The following NEGR1 variants were observed in gnomAD, a reference collection of about 807,000 sequenced individuals.
NEGR1 encodes the protein neuronal growth regulator 1.
A neutral mutation model predicts 40.9 loss-of-function variants in NEGR1; 10 were observed. The observed-to-expected ratio is 0.24, with a 90% CI of 0.15 to 0.42. The LOEUF is 0.42. Ranked by LOEUF, NEGR1 falls within the 10% of genes least tolerant of loss-of-function variation. The pLI, the probability that NEGR1 is intolerant of heterozygous loss-of-function variation, is 1.00. For missense variants in NEGR1, 352 were observed against 438.9 expected (o/e 0.80, Z 1.77); for synonymous variants, 185 against 166.8 (o/e 1.11, Z -0.84).
In NEGR1 at chr1:71,399,313, TAA is replaced by T. The variant is rs1466961482; in HGVS notation, c.*8131_*8132del. 2.6e-5 allele frequency: 4 copies of T among 152,172 alleles called. No homozygotes were observed. Among genetic ancestry groups the T allele is most frequent in the African/African-American group, 9.6e-5 (4 of 41,462 alleles). 9.4% of individuals were successfully genotyped at this position (152,172 alleles called of 1,614,324 possible). A position where few individuals can be genotyped will look rare whatever the true frequency, so the allele number is the denominator to read the frequency against. On this transcript the variant is annotated 3_prime_UTR_variant, in exon 7 of 7. Coordinates refer to ENST00000357731, the MANE Select transcript of NEGR1 (RefSeq NM_173808.3). ...CCCAGTCTTTCTCCTTGTCAACATTTAAAGTTATTAGACAGTAACACATTTCA... is the reference window on the plus strand; with the variant it reads ...CCCAGTCTTTCTCCTTGTCAACATTTAGTTATTAGACAGTAACACATTTCA...
intron 1 of NEGR1, among the ~76,000 whole-genome samples, chr1:71,951,963 G>T (rs937358322): frequency 6.6e-6 from 1 of 151,886 alleles, no homozygotes; most frequent in Non-Finnish European, 1.5e-5. Flanking sequence ...AGACGGCTAA[G>T]TTAATAAATG....
chr1:71,632,322 C>A (rs973980049), intron 4 of NEGR1, among the ~76,000 whole-genome samples: 2 of 150,894 alleles, frequency 1.3e-5, no homozygotes, highest in African/African-American at 4.9e-5. Flanking sequence ...TTATTAAAAA[C>A]AATTAACTTG....
intron 2 of NEGR1, among the ~76,000 whole-genome samples, chr1:71,824,042 C>T (rs1570397161): frequency 6.6e-6 from 1 of 151,996 alleles, no homozygotes; most frequent in South Asian, 2.1e-4. Context: ...TTACATTTAC[C>T]AGTGTGGGAG....
intron 1 of NEGR1, among the ~76,000 whole-genome samples, chr1:72,190,855 C>A (rs1182584871): frequency 6.6e-6 from 1 of 151,438 alleles, no homozygotes; most frequent in Non-Finnish European, 1.5e-5. Flanking sequence ...AATTAACTTA[C>A]AATATTGACA....
chr1:71,451,939 T>G (rs1352662670), intron 6 of NEGR1, among the ~76,000 whole-genome samples: 3 of 152,180 alleles, frequency 2.0e-5, no homozygotes, highest in Non-Finnish European at 4.4e-5. Context: ...GTCCATATGT[T>G]ACATACTTTT....
At chr1:71,634,148 G>T (rs1172866248) in intron 4 of NEGR1, among the ~76,000 whole-genome samples, 1 of 151,950 alleles carries the variant, frequency 6.6e-6, no homozygotes, top group African/African-American at 2.4e-5. Context: ...AGGCCACGTG[G>T]GATTTTTCAC....
At chr1:71,829,818 T>C (rs1217405930) in intron 2 of NEGR1, among the ~76,000 whole-genome samples, 2 of 151,984 alleles carry the variant, frequency 1.3e-5, no homozygotes, top group East Asian at 3.9e-4. Context: ...TCCTAAATAT[T>C]GCAGCACAAT....
chr1:72,230,075 T>C (rs1367069303), intron 1 of NEGR1, among the ~76,000 whole-genome samples: 1 of 152,070 alleles, frequency 6.6e-6, no homozygotes, highest in Non-Finnish European at 1.5e-5. Flanking sequence ...TTGCAGATTC[T>C]ACTGCTGGAA....
chr1:72,013,963 T>TA (rs1161156816), intron 1 of NEGR1, among the ~76,000 whole-genome samples: 10,956 of 88,248 alleles, frequency 0.12, 726 homozygotes, highest in East Asian at 0.18. Context: ...CTGTGAAAAA[T>TA]AAAAAAAAAA....
chr1:71,550,965 C>G (rs1369730016), intron 6 of NEGR1, among the ~76,000 whole-genome samples: 1 of 151,494 alleles, frequency 6.6e-6, no homozygotes, highest in Non-Finnish European at 1.5e-5. Context: ...ACATCATGGG[C>G]ATTATGTTGT....
intron 1 of NEGR1, among the ~76,000 whole-genome samples, chr1:72,142,119 G>A (rs1189574048): frequency 2.0e-5 from 3 of 151,836 alleles, no homozygotes; most frequent in Non-Finnish European, 4.4e-5. Flanking sequence ...GAGAAGGCCC[G>A]TACTTCATCA....
chr1:72,073,031 G>A (rs970325771), intron 1 of NEGR1, among the ~76,000 whole-genome samples: 1 of 152,110 alleles, frequency 6.6e-6, no homozygotes, highest in African/African-American at 2.4e-5. Flanking sequence ...ACATTTATTG[G>A]GGAATGCTCC....
At chr1:72,256,233 C>T (rs1160199691) in intron 1 of NEGR1, among the ~76,000 whole-genome samples, 1 of 152,156 alleles carries the variant, frequency 6.6e-6, no homozygotes, top group Admixed American at 6.5e-5. Flanking sequence ...AGAGAGTTCA[C>T]CAGATGATAA....
rs57558712 is a variant in NEGR1 at position 71,783,212 on chromosome 1, A to G, written c.410-6915T>C. On this transcript the variant is annotated intron_variant, in intron 2 of 6. Coordinates refer to ENST00000357731, the MANE Select transcript of NEGR1 (RefSeq NM_173808.3). ...GGAGAATTGGCTTTTTTGCACTCCCATATCTGGTAATGGCTGGCAATATCA... is the reference window on the plus strand; with the variant it reads ...GGAGAATTGGCTTTTTTGCACTCCCGTATCTGGTAATGGCTGGCAATATCA... 8.6e-3 allele frequency among the ~76,000 whole-genome samples: 1,314 copies of G among 152,202 alleles called. 14 individuals carry two copies. Among genetic ancestry groups the G allele is most frequent in the African/African-American group, 0.03 (1,257 of 41,504 alleles).
intron 2 of NEGR1, among the ~76,000 whole-genome samples, chr1:71,894,470 CTT>C (rs1218110757): frequency 1.3e-5 from 2 of 152,162 alleles, no homozygotes; most frequent in African/African-American, 2.4e-5. Context: ...ATAACAAACA[CTT>C]TACATGGATA....
chr1:72,226,490 A>G (rs1654194694), intron 1 of NEGR1, among the ~76,000 whole-genome samples: 1 of 152,020 alleles, frequency 6.6e-6, no homozygotes, highest in African/African-American at 2.4e-5. Context: ...TGAGAAAATA[A>G]TTATCTTCTC....
chr1:72,232,457 T>C (rs1654398358), intron 1 of NEGR1, among the ~76,000 whole-genome samples: 1 of 152,102 alleles, frequency 6.6e-6, no homozygotes, highest in African/African-American at 2.4e-5. Flanking sequence ...TAGTATATTC[T>C]CCTTCCTTAA....
chr1:72,227,717 A>AT (rs1443401778), intron 1 of NEGR1, among the ~76,000 whole-genome samples: 6 of 152,108 alleles, frequency 3.9e-5, no homozygotes, highest in African/African-American at 1.4e-4. Flanking sequence ...TATGGTATAC[A>AT]TAAGTGATTG....
intron 6 of NEGR1, among the ~76,000 whole-genome samples, chr1:71,491,372 A>G (rs1399306675): frequency 6.6e-6 from 1 of 151,956 alleles, no homozygotes; most frequent in Non-Finnish European, 1.5e-5. Flanking sequence ...CCAAGGGACA[A>G]TTGTACTGAA....
Sources: gnomAD v4.1 joint callset for allele counts (sites outside exome capture counted in the v4.1 genomes callset) on GRCh38, gnomAD v4.1.1 for gene constraint, MANE v1.5 for transcripts, NCBI Gene and HGNC (gene_info 2026-07-23, HGNC 2026-07-21) for gene names.